The following AGTPBP1 variants were observed in gnomAD, a reference collection of about 807,000 sequenced individuals.
AGTPBP1 encodes ATP/GTP binding carboxypeptidase 1, also known as cytosolic carboxypeptidase 1.
Under a neutral mutation model 143.9 loss-of-function variants are expected in AGTPBP1, and 70 were observed. That is an observed-to-expected ratio of 0.49 (90% CI 0.40 to 0.59). The LOEUF (loss-of-function observed/expected upper bound fraction) is 0.59. Ranked by LOEUF, AGTPBP1 falls within the 20% of genes least tolerant of loss-of-function variation. The probability of loss-of-function intolerance (pLI) is 0.00; values close to 1 mark genes in which losing one functional copy is unlikely to be tolerated. For missense variants in AGTPBP1, 1,229 were observed against 1,464.5 expected, an observed-to-expected ratio of 0.84 and a Z score of 2.62; for synonymous variants, 463 against 500.2, an observed-to-expected ratio of 0.93 and a Z score of 0.99.
intron 23 of AGTPBP1, among the ~76,000 whole-genome samples, chr9:85,583,711 T>C (rs1328164420): frequency 6.6e-6 from 1 of 152,180 alleles, no homozygotes; most frequent in Non-Finnish European, 1.5e-5. Context: ...CATGTCTGTC[T>C]GCCATTCATC....
In AGTPBP1 at chr9:85,741,917, C is replaced by CGGCAGCTGCGGCGGCGGCGCT. The variant is rs1824336489; in HGVS notation, c.-197_-177dup. Reference sequence around the variant, plus strand: ...GCAGGCGAGGCGGAGGCGGCGGCGGCGGCAGCTGCGGCGGCGGCGCTGGAG... The same window carrying CGGCAGCTGCGGCGGCGGCGCT: ...GCAGGCGAGGCGGAGGCGGCGGCGGCGGCAGCTGCGGCGGCGGCGCTGGCAGCTGCGGCGGCGGCGCTGGAG... On this transcript the variant is annotated 5_prime_UTR_variant, in exon 1 of 26. Transcript: ENST00000357081. 7.6e-7 allele frequency: 1 copy of CGGCAGCTGCGGCGGCGGCGCT among 1,320,604 alleles called. No individual in the cohort carries two copies. Among genetic ancestry groups the CGGCAGCTGCGGCGGCGGCGCT allele is most frequent in the Non-Finnish European group, 9.6e-7 (1 of 1,039,570 alleles). 81.8% of individuals were successfully genotyped at this position (1,320,604 alleles called of 1,614,324 possible). A position where few individuals can be genotyped will look rare whatever the true frequency, so the allele number is the denominator to read the frequency against.
chr9:85,601,743 G>A (rs912388309), intron 17 of AGTPBP1, among the ~76,000 whole-genome samples: 4 of 152,184 alleles, frequency 2.6e-5, no homozygotes, highest in Admixed American at 2.0e-4. Context: ...CCCAAGAACT[G>A]GCCCATTTAG....
intron 2 of AGTPBP1, among the ~76,000 whole-genome samples, chr9:85,693,902 T>C (rs112208708): frequency 7.9e-5 from 12 of 151,976 alleles, no homozygotes; most frequent in African/African-American, 2.9e-4. Context: ...AAGCAAGCCG[T>C]GCAAATACTG....
chr9:85,727,573 T>C (rs193161661), intron 1 of AGTPBP1, among the ~76,000 whole-genome samples: 1 of 152,318 alleles, frequency 6.6e-6, no homozygotes, highest in African/African-American at 2.4e-5. Flanking sequence ...TCAACAGGTA[T>C]CTAAGCTGAA....
At chr9:85,553,862 T>G (rs140411937) in intron 25 of AGTPBP1, 1 of 152,360 alleles carries the variant, frequency 6.6e-6, no homozygotes, top group Non-Finnish European at 1.5e-5. Context: ...AATTTCTAGA[T>G]GGATGGCCTC....
intron 25 of AGTPBP1, among the ~76,000 whole-genome samples, chr9:85,566,708 C>T (rs1054401407): frequency 2.0e-5 from 3 of 152,032 alleles, no homozygotes; most frequent in African/African-American, 7.2e-5. Flanking sequence ...AACAGAATCA[C>T]GAAGTCAGGT....
At chr9:85,777,649 T>C in the AGTPBP1 span, among the ~76,000 whole-genome samples, 2 of 152,232 alleles carry the variant, frequency 1.3e-5, no homozygotes, top group Non-Finnish European at 2.9e-5. Flanking sequence ...GAGCACTCAC[T>C]TGGGATACAA....
At chr9:85,659,007 T>C (rs1833698707) in intron 9 of AGTPBP1, among the ~76,000 whole-genome samples, 1 of 152,194 alleles carries the variant, frequency 6.6e-6, no homozygotes. Flanking sequence ...TTAAAAGCCA[T>C]TATGATCATT....
the AGTPBP1 span, among the ~76,000 whole-genome samples, chr9:85,799,675 C>T: frequency 6.6e-6 from 1 of 152,080 alleles, no homozygotes; most frequent in Non-Finnish European, 1.5e-5. Context: ...ACCACCAGGC[C>T]CAGCCAATTT....
chr9:85,750,006 C>T, the AGTPBP1 span, among the ~76,000 whole-genome samples: 29 of 151,916 alleles, frequency 1.9e-4, no homozygotes, highest in Non-Finnish European at 4.1e-4. Flanking sequence ...CTCAGCCTCC[C>T]AAGTAGCTGG....
intron 9 of AGTPBP1, 122 bp from the exon 10 acceptor site, chr9:85,657,765 C>A: frequency 1.6e-6 from 1 of 621,510 alleles, no homozygotes; most frequent in Non-Finnish European, 2.6e-6. Context: ...TTTTCCAAAA[C>A]AAATGACAAG....
At chr9:85,786,504 G>A in the AGTPBP1 span, 1 of 1,613,870 alleles carries the variant, frequency 6.2e-7, no homozygotes. Context: ...CGACGTTCCA[G>A]TCTTGGAGTT....
chr9:85,618,985 T>C lies in AGTPBP1; in HGVS notation c.2333A>G (p.Tyr778Cys). The C allele has an allele frequency of 6.2e-7, 1 of 1,611,904 alleles. No homozygotes were observed. The highest frequency in any genetic ancestry group is 8.5e-7 in the Non-Finnish European group (1 of 1,179,296). The change falls in exon 17 of 26, where the codon TAT becomes TGT. Residue 778 changes from tyrosine to cysteine, a missense_variant and splice_region_variant. This residue lies in a region of AGTPBP1 where 486 missense variants were observed against 652.3 expected (regional missense o/e 0.75). Coordinates refer to ENST00000357081, the MANE Select transcript of AGTPBP1 (RefSeq NM_001330701.2). The stretch of plus-strand genomic sequence containing the variant: ...ATTGGGAAAGAAAACTGTCTTACCA[T>C]AATTAAACTGACTGTTGGACTTTTC... ...NCEKSNSQFNYGMQPLMYSVQ... is the reference protein window; with the variant it reads ...NCEKSNSQFNCGMQPLMYSVQ...
intron 25 of AGTPBP1, among the ~76,000 whole-genome samples, chr9:85,561,167 G>C (rs1587627097): frequency 6.6e-6 from 1 of 152,202 alleles, no homozygotes; most frequent in Admixed American, 6.5e-5. Context: ...TTCAAGACCA[G>C]CCTGGCTAAT....
intron 22 of AGTPBP1, 83 bp downstream of exon 22, chr9:85,586,748 A>G (rs1189247784): frequency 6.8e-7 from 1 of 1,464,936 alleles, no homozygotes; most frequent in Non-Finnish European, 9.3e-7. Context: ...ATTTGACCTC[A>G]TGATTATCAC....
chr9:85,647,729 G>A (rs1832905817), intron 11 of AGTPBP1, among the ~76,000 whole-genome samples: 1 of 152,190 alleles, frequency 6.6e-6, no homozygotes, highest in Non-Finnish European at 1.5e-5. Context: ...CTATGTGAAT[G>A]TAATGGTGGG....
At chr9:85,671,569 A>C (rs1228404160) in intron 7 of AGTPBP1, among the ~76,000 whole-genome samples, 1 of 152,164 alleles carries the variant, frequency 6.6e-6, no homozygotes, top group Admixed American at 6.5e-5. Flanking sequence ...TATACGCAAT[A>C]TACACACATA....
At chr9:85,725,347 G>A (rs914999832) in intron 1 of AGTPBP1, among the ~76,000 whole-genome samples, 3 of 152,008 alleles carry the variant, frequency 2.0e-5, no homozygotes, top group Non-Finnish European at 4.4e-5. Context: ...TCAAGCAATG[G>A]CAGTATTGAC....
intron 13 of AGTPBP1, among the ~76,000 whole-genome samples, chr9:85,636,020 A>G (rs1389094028): frequency 6.6e-6 from 1 of 152,014 alleles, no homozygotes; most frequent in Admixed American, 6.6e-5. Flanking sequence ...TATAATGGTG[A>G]CTCTCAAAAG....
Sources: gnomAD v4.1 joint callset for allele counts (sites outside exome capture counted in the v4.1 genomes callset) on GRCh38, gnomAD v4.1.1 for gene constraint, gnomAD v4.1.1 regional missense constraint, MANE v1.5 for transcripts, NCBI Gene and HGNC (gene_info 2026-07-23, HGNC 2026-07-21) for gene names.